SOCS4: variants seen among roughly 807,000 people sequenced by gnomAD.
The protein encoded by SOCS4 is SH2 domain containing SOCS box protein.
Under a neutral mutation model 34.1 loss-of-function variants are expected in SOCS4, and 20 were observed. That is an observed-to-expected ratio of 0.59 (90% CI 0.41 to 0.85). The LOEUF (loss-of-function observed/expected upper bound fraction) is 0.85, where lower values mean the gene tolerates loss of function less well. SOCS4 is among the 40% of genes least tolerant of loss of function. The pLI, the probability that SOCS4 is intolerant of heterozygous loss-of-function variation, is 0.00. For synonymous variants in SOCS4, 180 were observed against 186.4 expected, an observed-to-expected ratio of 0.97 and a Z score of 0.28; for missense variants, 479 against 532.4, an observed-to-expected ratio of 0.90 and a Z score of 0.99.
intron 2 of SOCS4, among the ~76,000 whole-genome samples, chr14:55,042,550 ATT>A (rs1263456294): frequency 6.6e-6 from 1 of 152,218 alleles, no homozygotes; most frequent in Non-Finnish European, 1.5e-5. Flanking sequence ...CAGCTCATAG[ATT>A]TGTGTCTGTC....
chr14:55,042,975 GA>G lies in SOCS4; in HGVS notation c.-64del. 3 of 1,455,992 alleles carry G rather than the reference GA, an allele frequency of 2.1e-6. No individual in the cohort carries two copies. The allele number at this position is 1,455,992 out of a possible 1,614,324, so 90.2% of individuals were successfully genotyped here. On this transcript the variant is annotated 5_prime_UTR_variant, in exon 3 of 3. It introduces an in-frame stop codon into an upstream open reading frame of the 5' UTR. Transcript: ENST00000555846. ...AGATACATCCAGAAAGTGCCCAGAA[GA>G]AACTTCCTGCTGGAAAAAATGAAAA... is the stretch of plus-strand genomic sequence containing the variant.
Position 55,043,980 on chromosome 14 carries a change from A to G in SOCS4, c.939A>G (p.Ser313=). Residue 313 remains serine, a synonymous_variant, in exon 3 of 3, where the codon TCA becomes TCG. Coordinates refer to ENST00000555846, the MANE Select transcript of SOCS4 (RefSeq NM_199421.2). ...KPEGTFLLRD[S]AQEDYLFSVS... is the part of the protein sequence containing the mutation. Reference sequence around the variant, plus strand: ...AGGGTACCTTTTTACTTCGAGACTCAGCACAGGAAGACTATTTATTCTCTG... The same window carrying G: ...AGGGTACCTTTTTACTTCGAGACTCGGCACAGGAAGACTATTTATTCTCTG... The G allele has an allele frequency of 6.2e-7, 1 of 1,614,168 alleles. No homozygotes were observed. Among genetic ancestry groups the G allele is most frequent in the Non-Finnish European group, 8.5e-7 (1 of 1,180,020 alleles).
At chr14:55,036,708 TC>T (rs1181221115) in intron 2 of SOCS4, among the ~76,000 whole-genome samples, 1 of 152,204 alleles carries the variant, frequency 6.6e-6, no homozygotes, top group African/African-American at 2.4e-5. Flanking sequence ...GTTGTTGTTT[TC>T]TGTGAAATGC....
intron 2 of SOCS4, among the ~76,000 whole-genome samples, chr14:55,039,925 T>A (rs1178683914): frequency 6.6e-6 from 1 of 151,972 alleles, no homozygotes; most frequent in African/African-American, 2.4e-5. Context: ...AGAACACAGC[T>A]AGAGAGCTTA....
chr14:55,042,871 CT>C (rs1318915536), intron 2 of SOCS4, 80 bp from the exon 3 acceptor site: 6 of 601,976 alleles, frequency 1.0e-5, no homozygotes, highest in Non-Finnish European at 1.7e-5. Context: ...GCTTTTCCCT[CT>C]TGTGTCTAAT....
In SOCS4 at chr14:55,043,443, C is replaced by T. The variant is rs2042639802; in HGVS notation, c.402C>T (p.Phe134=). Reference sequence around the variant, plus strand: ...AACTCATGTTAGATAAGTGTCCTTTCCCACCTCGATCAGATTTAGCCTTTA... The same window carrying T: ...AACTCATGTTAGATAAGTGTCCTTTTCCACCTCGATCAGATTTAGCCTTTA... The part of the protein sequence containing the change: ...ISELMLDKCP[F]PPRSDLAFRW... The change falls in exon 3 of 3, where the codon TTC becomes TTT. Residue 134 remains phenylalanine, a synonymous_variant. Coordinates refer to ENST00000555846, the MANE Select transcript of SOCS4 (RefSeq NM_199421.2). 1.9e-6 allele frequency: 3 copies of T among 1,614,038 alleles called. No homozygotes were observed. The African/African-American group carries it at 4.0e-5, about 22-fold the overall frequency.
Position 55,040,712 on chromosome 14 carries a change from C to T in SOCS4, c.-90-2240C>T, listed in dbSNP as rs182526873. Among the ~76,000 whole-genome samples, 1,346 of 151,970 alleles carry T rather than the reference C, an allele frequency of 8.9e-3. 17 individuals carry two copies. Among genetic ancestry groups the T allele is most frequent in the African/African-American group, 0.03 (1,254 of 41,450 alleles). ...TGAGTCGAGATCATGCCACTGCACT[C>T]CAGCCTGGGCGACAGAGCGAGACTC... is the stretch of plus-strand genomic sequence containing the variant. On this transcript the variant is annotated intron_variant, in intron 2 of 2. Coordinates refer to ENST00000555846, the MANE Select transcript of SOCS4 (RefSeq NM_199421.2).
chr14:55,044,270 C>T lies in SOCS4; in HGVS notation c.1229C>T (p.Pro410Leu). The change falls in exon 3 of 3, where the codon CCA becomes CTA. Residue 410 changes from proline to leucine, a missense_variant. By Grantham distance (98) the Pro-to-Leu change is moderately conservative. Transcript: ENST00000555846. ...ACTTATGATGGCATCGATGCCCTTC[C>T]AATTCCTTCTTCTATGAAATTATAT... ...CTTYDGIDALPIPSSMKLYLK... is the reference protein window; with the variant it reads ...CTTYDGIDALLIPSSMKLYLK... The T allele has an allele frequency of 3.7e-6, 6 of 1,613,910 alleles. No individual in the cohort carries two copies. The highest frequency in any genetic ancestry group is 5.1e-6 in the Non-Finnish European group (6 of 1,179,870).
At chr14:55,033,187 G>T (rs943070978) in intron 2 of SOCS4, among the ~76,000 whole-genome samples, 3 of 152,082 alleles carry the variant, frequency 2.0e-5, no homozygotes, top group Non-Finnish European at 1.5e-5. Flanking sequence ...GATTTTACAT[G>T]TATGGACAAG....
At chr14:55,033,634 G>T (rs991250469) in intron 2 of SOCS4, among the ~76,000 whole-genome samples, 1 of 152,142 alleles carries the variant, frequency 6.6e-6, no homozygotes, top group South Asian at 2.1e-4. Context: ...TTCAGTAATG[G>T]TTATGAAATT....
At chr14:55,037,967 GT>G (rs2042587835) in intron 2 of SOCS4, among the ~76,000 whole-genome samples, 2 of 152,118 alleles carry the variant, frequency 1.3e-5, no homozygotes, top group Admixed American at 6.5e-5. Context: ...ATATTAGTCT[GT>G]TCTCATGCTA....
In SOCS4 at chr14:55,031,931, C is replaced by T. The variant is rs1237120373; in HGVS notation, c.-151C>T. 1 of 152,170 alleles carries T rather than the reference C, an allele frequency of 6.6e-6. No homozygotes were observed. Among genetic ancestry groups the T allele is most frequent in the East Asian group, 1.9e-4 (1 of 5,202 alleles). The allele number at this position is 152,170 out of a possible 1,614,324, so 9.4% of individuals were successfully genotyped here. Reference sequence around the variant, plus strand: ...GCCTAAGTGTTTCTACAGAATCCAACTCAAATATCAAGGACTATGATCAGA... The same window carrying T: ...GCCTAAGTGTTTCTACAGAATCCAATTCAAATATCAAGGACTATGATCAGA... On this transcript the variant is annotated 5_prime_UTR_variant, in exon 2 of 3. Coordinates refer to ENST00000555846, the MANE Select transcript of SOCS4 (RefSeq NM_199421.2).
chr14:55,031,809 A>C (rs2042531251), intron 1 of SOCS4, 54 bp from the exon 2 acceptor site: 1 of 152,234 alleles, frequency 6.6e-6, no homozygotes, highest in Non-Finnish European at 1.5e-5. Flanking sequence ...TTTAGGTCAG[A>C]TATTTTCCCA....
intron 2 of SOCS4, among the ~76,000 whole-genome samples, chr14:55,034,153 A>T (rs1037606214): frequency 6.6e-6 from 1 of 152,156 alleles, no homozygotes; most frequent in Non-Finnish European, 1.5e-5. Context: ...ACAAAAAGAT[A>T]TAAACAGTAC....
At chr14:55,034,089 C>T in intron 2 of SOCS4, among the ~76,000 whole-genome samples, 1 of 152,120 alleles carries the variant, frequency 6.6e-6, no homozygotes, top group Non-Finnish European at 1.5e-5. Flanking sequence ...GCCGAGATCG[C>T]ACTGCTGCAC....
In SOCS4 at chr14:55,047,357, C is replaced by G. The variant is rs1279816194; in HGVS notation, c.*2993C>G. The G allele has an allele frequency of 6.0e-6, 1 of 166,992 alleles. No homozygotes were observed. Among genetic ancestry groups the G allele is most frequent in the Admixed American group, 6.5e-5 (1 of 15,278 alleles). The allele number at this position is 166,992 out of a possible 1,614,324, so 10.3% of individuals were successfully genotyped here. The stretch of plus-strand genomic sequence containing the variant: ...GACATACTCCCACTCCCATTTTTTT[C>G]TAAGCCTACAGCATCTTGATTCATA... On this transcript the variant is annotated 3_prime_UTR_variant, in exon 3 of 3. Coordinates refer to ENST00000555846, the MANE Select transcript of SOCS4 (RefSeq NM_199421.2).
At chr14:55,041,076 C>T (rs1196328668) in intron 2 of SOCS4, among the ~76,000 whole-genome samples, 1 of 152,038 alleles carries the variant, frequency 6.6e-6, no homozygotes, top group Non-Finnish European at 1.5e-5. Context: ...TTGTTAGAGA[C>T]AGGGTTTTGC....
chr14:55,043,770 AAG>A lies in SOCS4; in HGVS notation c.731_732del (p.Arg244LysfsTer9), dbSNP rs891473191. The A allele has an allele frequency of 6.2e-7, 1 of 1,614,156 alleles. No individual in the cohort carries two copies. Among genetic ancestry groups the A allele is most frequent in the Middle Eastern group, 1.6e-4 (1 of 6,062 alleles). On this transcript the variant is annotated frameshift_variant, in exon 3 of 3. Transcript: ENST00000555846. LOFTEE classifies it high-confidence loss of function. ...TAACACTTTGCACAAGTTCCAGAAA[AAG>A]AAACAAACCCAAATGGGATTTGGAT... ...ILTLCTSSRK[R>X]NKPKWDLDDE...
chr14:55,038,857 A>T (rs921771143), intron 2 of SOCS4, among the ~76,000 whole-genome samples: 7 of 152,002 alleles, frequency 4.6e-5, no homozygotes, highest in Non-Finnish European at 5.9e-5. Flanking sequence ...CTTGTGTCTT[A>T]TCTGTGTTAC....
Sources: gnomAD v4.1 joint callset for allele counts (sites outside exome capture counted in the v4.1 genomes callset) on GRCh38, gnomAD v4.1.1 for gene constraint, MANE v1.5 for transcripts, NCBI Gene and HGNC (gene_info 2026-07-23, HGNC 2026-07-21) for gene names.